PCLO: variants seen among roughly 807,000 people sequenced by gnomAD.
The protein encoded by PCLO is piccolo presynaptic cytomatrix protein.
Under a neutral mutation model 427.5 loss-of-function variants are expected in PCLO, and 82 were observed. The ratio of observed to expected loss-of-function variants is 0.19; its 90% confidence interval spans 0.16 to 0.23. PCLO has a LOEUF of 0.23. Among genes scored for constraint, PCLO ranks in the 10% least tolerant of loss-of-function variants. PCLO has a pLI of 1.00. For missense variants in PCLO, 6,239 were observed against 6,115.9 expected (o/e 1.02, Z -0.67); for synonymous variants, 2,357 against 2,155.4 (o/e 1.09, Z -2.59).
chr7:82,766,474 T>C (rs963465255), intron 22 of PCLO, among the ~76,000 whole-genome samples: 3 of 151,936 alleles, frequency 2.0e-5, no homozygotes, highest in Non-Finnish European at 4.4e-5. Flanking sequence ...CATAGAAAAG[T>C]AGATAGCTAC....
At chr7:82,978,330 T>C (rs1796069129) in intron 3 of PCLO, among the ~76,000 whole-genome samples, 1 of 152,102 alleles carries the variant, frequency 6.6e-6, no homozygotes, top group Non-Finnish European at 1.5e-5. Context: ...TAAAAAAATA[T>C]GATTATTAAA....
At chr7:83,002,675 T>C (rs1336376802) in intron 3 of PCLO, among the ~76,000 whole-genome samples, 1 of 151,912 alleles carries the variant, frequency 6.6e-6, no homozygotes, top group Non-Finnish European at 1.5e-5. Context: ...CAAATTATAG[T>C]TCGACAAGAT....
intron 3 of PCLO, among the ~76,000 whole-genome samples, chr7:83,061,545 C>G (rs1403647443): frequency 6.6e-6 from 1 of 152,170 alleles, no homozygotes; most frequent in Non-Finnish European, 1.5e-5. Flanking sequence ...TTACAAAAGG[C>G]ATGTGTACAA....
At position 83,134,661 on chromosome 7, in the gene PCLO, T is replaced by C; in HGVS notation, c.2889A>G (p.Pro963=). ...GTGAAGGGGCAGGGGCTTGTTTCAT[T>C]GGGGCCCCTGGTCCACTTTGTGAAT... ...GPHSQSGPGA[P]MKQAPAPSQP... The change falls in exon 3 of 25, where the codon CCA becomes CCG. Residue 963 remains proline (P), a synonymous_variant. Transcript: ENST00000333891. 1 of 1,613,746 alleles carries C rather than the reference T, an allele frequency of 6.2e-7. No individual in the cohort carries two copies. Among genetic ancestry groups the C allele is most frequent in the Non-Finnish European group, 8.5e-7 (1 of 1,179,776 alleles).
chr7:82,849,122 C>G (rs1364104473), intron 10 of PCLO, among the ~76,000 whole-genome samples: 1 of 152,070 alleles, frequency 6.6e-6, no homozygotes, highest in African/African-American at 2.4e-5. Context: ...TCTGCAGGAG[C>G]ACATACTATG....
chr7:83,029,914 G>C (rs1256324804), intron 3 of PCLO, among the ~76,000 whole-genome samples: 1 of 145,122 alleles, frequency 6.9e-6, no homozygotes, highest in Non-Finnish European at 1.5e-5. Context: ...TGAACAATGA[G>C]ATCACATGGA....
At chr7:83,029,197 G>A (rs971376200) in intron 3 of PCLO, among the ~76,000 whole-genome samples, 20 of 147,954 alleles carry the variant, frequency 1.4e-4, no homozygotes, top group African/African-American at 3.5e-4. Context: ...GAAAATTTTC[G>A]CAACTTACTC....
chr7:83,122,460 A>G (rs1791310964), intron 3 of PCLO, among the ~76,000 whole-genome samples: 1 of 151,732 alleles, frequency 6.6e-6, no homozygotes, highest in Non-Finnish European at 1.5e-5. Context: ...TAATTTTTGT[A>G]TTTTTAGTAG....
chr7:83,062,132 T>A (rs1286597065), intron 3 of PCLO, among the ~76,000 whole-genome samples: 3 of 152,140 alleles, frequency 2.0e-5, no homozygotes, highest in Non-Finnish European at 4.4e-5. Flanking sequence ...ATGGAGTTGA[T>A]CACAGGTCCT....
chr7:82,965,239 T>C lies in PCLO; in HGVS notation c.4017+532A>G, dbSNP rs551406090. Among the ~76,000 whole-genome samples, 4 of 152,134 alleles carry C rather than the reference T, an allele frequency of 2.6e-5. No individual in the cohort carries two copies. The East Asian group carries it at 7.7e-4, about 29-fold the overall frequency. On this transcript the variant is annotated intron_variant, in intron 4 of 24. Transcript: ENST00000333891. ...AATCATGCTAAATATTAAACTGCTTTGTGAAATTTTAGAATGACTTTTGCT... is the reference window on the plus strand; with the variant it reads ...AATCATGCTAAATATTAAACTGCTTCGTGAAATTTTAGAATGACTTTTGCT...
chr7:83,047,373 C>A (rs1295141126), intron 3 of PCLO, among the ~76,000 whole-genome samples: 1 of 151,784 alleles, frequency 6.6e-6, no homozygotes, highest in African/African-American at 2.4e-5. Flanking sequence ...ATAGTTTATA[C>A]CTTAAGCCAA....
At chr7:83,131,154 T>C (rs930854465) in intron 3 of PCLO, among the ~76,000 whole-genome samples, 1 of 152,220 alleles carries the variant, frequency 6.6e-6, no homozygotes, top group Non-Finnish European at 1.5e-5. Flanking sequence ...TTTAAAACTC[T>C]TTCCAATACA....
intron 10 of PCLO, among the ~76,000 whole-genome samples, chr7:82,851,048 C>T (rs1224178253): frequency 6.6e-6 from 1 of 151,758 alleles, no homozygotes; most frequent in African/African-American, 2.4e-5. Flanking sequence ...GGATTGGTGA[C>T]CTTGAGTGAC....
intron 3 of PCLO, among the ~76,000 whole-genome samples, chr7:83,014,255 T>C (rs1294920969): frequency 1.3e-5 from 2 of 152,184 alleles, no homozygotes; most frequent in African/African-American, 4.8e-5. Context: ...GGTAAAGCCA[T>C]GCCACAAAAT....
intron 10 of PCLO, among the ~76,000 whole-genome samples, chr7:82,859,356 CA>C (rs1562822411): frequency 1.3e-5 from 2 of 152,072 alleles, no homozygotes; most frequent in African/African-American, 4.8e-5. Flanking sequence ...ATGTTGCCCA[CA>C]GGGGTGCTTG....
chr7:82,838,224 C>A lies in PCLO; in HGVS notation c.14216G>T (p.Gly4739Val). 1.3e-6 allele frequency: 2 copies of A among 1,598,738 alleles called. No individual in the cohort carries two copies. Among genetic ancestry groups the A allele is most frequent in the East Asian group, 2.3e-5 (1 of 44,334 alleles). The change falls in exon 15 of 25, where the codon GGG becomes GTG. Residue 4739 changes from glycine to valine, a missense_variant. Physicochemically the swap from Gly to Val is moderately radical, Grantham distance 109. Coordinates refer to ENST00000333891, the MANE Select transcript of PCLO (RefSeq NM_033026.6). ...ACTTCTTAATTTTACTTACCCTCTC[C>A]CTGGAAGAAGGTACACTTTCACAAA... Reference protein sequence around the residue: ...DPFVKVYLLPGRGQVMVVQNA... With the variant: ...DPFVKVYLLPVRGQVMVVQNA...
intron 3 of PCLO, among the ~76,000 whole-genome samples, chr7:83,013,470 G>A (rs1788136553): frequency 6.6e-6 from 1 of 152,156 alleles, no homozygotes. Context: ...AAAATTAAAA[G>A]TGTGTATAGA....
At chr7:82,873,182 T>G (rs1054693484) in intron 10 of PCLO, among the ~76,000 whole-genome samples, 2 of 10,542 alleles carry the variant, frequency 1.9e-4, no homozygotes, top group African/African-American at 9.0e-4. Flanking sequence ...TCTGTAAGTT[T>G]TTTTTTTTTT....
At chr7:82,790,926 T>C (rs1791088245) in intron 22 of PCLO, among the ~76,000 whole-genome samples, 1 of 152,210 alleles carries the variant, frequency 6.6e-6, no homozygotes, top group Admixed American at 6.5e-5. Context: ...TTTAACACAC[T>C]CTCTCAATGT....
Sources: gnomAD v4.1 joint callset for allele counts (sites outside exome capture counted in the v4.1 genomes callset) on GRCh38, gnomAD v4.1.1 for gene constraint, MANE v1.5 for transcripts, NCBI Gene and HGNC (gene_info 2026-07-23, HGNC 2026-07-21) for gene names.